PPP4R2: variants seen among roughly 807,000 people sequenced by gnomAD.
The protein encoded by PPP4R2 is protein phosphatase 4 regulatory subunit 2, also known as serine/threonine-protein phosphatase 4 regulatory subunit 2.
Under a neutral mutation model 47.2 loss-of-function variants are expected in PPP4R2, and 13 were observed. The ratio of observed to expected loss-of-function variants is 0.28; its 90% CI spans 0.18 to 0.44. The LOEUF is 0.44. Among genes scored for constraint, PPP4R2 ranks in the 20% least tolerant of loss-of-function variants. The pLI, the probability that PPP4R2 is intolerant of heterozygous loss-of-function variation, is 1.00. For synonymous variants in PPP4R2, 151 were observed against 163.3 expected, an observed-to-expected ratio of 0.92 and a Z score of 0.57; for missense variants, 421 against 491.2, an observed-to-expected ratio of 0.86 and a Z score of 1.35.
At position 73,047,169 on chromosome 3, in the gene PPP4R2, T is replaced by A. The variant is rs754804619; in HGVS notation, c.117-17T>A. Reference sequence around the variant, plus strand: ...AAGCTACATGGTATTATATATTTTTTAATTTTTTGCTTATAGGATTCAGTG... The same window carrying A: ...AAGCTACATGGTATTATATATTTTTAAATTTTTTGCTTATAGGATTCAGTG... On this transcript the variant is annotated splice_polypyrimidine_tract_variant and intron_variant, in intron 2 of 8. Coordinates refer to ENST00000356692, the MANE Select transcript of PPP4R2 (RefSeq NM_174907.4). 5 of 1,454,734 alleles carry A rather than the reference T, an allele frequency of 3.4e-6. No homozygotes were observed. The highest frequency in any genetic ancestry group is 2.5e-5 in the East Asian group (1 of 40,388). 90.1% of individuals were successfully genotyped at this position (1,454,734 alleles called of 1,614,324 possible).
intron 2 of PPP4R2, among the ~76,000 whole-genome samples, chr3:73,017,929 T>TG (rs1701873752): frequency 6.6e-6 from 1 of 152,124 alleles, no homozygotes; most frequent in Admixed American, 6.5e-5. Flanking sequence ...GGTTTCACCA[T>TG]GTTGGCCAGG....
intron 2 of PPP4R2, among the ~76,000 whole-genome samples, chr3:73,041,158 C>T (rs182941389): frequency 6.6e-6 from 1 of 152,076 alleles, no homozygotes. Flanking sequence ...CTGTCCTTTA[C>T]CATATATCAG....
chr3:73,008,168 A>G (rs1701652066), intron 2 of PPP4R2, among the ~76,000 whole-genome samples: 1 of 152,068 alleles, frequency 6.6e-6, no homozygotes, highest in South Asian at 2.1e-4. Context: ...AAATACTAAA[A>G]TTACTAAAAT....
At chr3:73,002,624 C>CTTTTTTTTT (rs1559544635) in intron 2 of PPP4R2, among the ~76,000 whole-genome samples, 12 of 67,014 alleles carry the variant, frequency 1.8e-4, no homozygotes, top group African/African-American at 4.9e-4. Flanking sequence ...CTTTTCTTTT[C>CTTTTTTTTT]TTTTCTTTTC....
intron 2 of PPP4R2, among the ~76,000 whole-genome samples, chr3:73,007,295 T>A (rs1271483666): frequency 6.6e-6 from 1 of 152,154 alleles, no homozygotes; most frequent in East Asian, 1.9e-4. Flanking sequence ...CTCTACAGTT[T>A]GAAGTTCTTT....
intron 2 of PPP4R2, 90 bp downstream of exon 2, chr3:72,998,248 AAAT>A (rs1701391331): frequency 1.3e-6 from 1 of 790,866 alleles, no homozygotes; most frequent in Non-Finnish European, 2.0e-6. Flanking sequence ...TGGGATAATT[AAAT>A]AATTCATTCT....
intron 2 of PPP4R2, among the ~76,000 whole-genome samples, chr3:73,021,054 CTA>C (rs941852907): frequency 3.9e-5 from 6 of 151,930 alleles, no homozygotes; most frequent in Non-Finnish European, 8.8e-5. Context: ...GTGCATTAGT[CTA>C]TGTTGCTTAA....
intron 3 of PPP4R2, 28 bp downstream of exon 3, chr3:73,047,384 T>G: frequency 6.9e-7 from 1 of 1,442,778 alleles, no homozygotes; most frequent in South Asian, 1.3e-5. Context: ...TTTTAAAGAT[T>G]TAATTTTTAG....
rs1056532454 is a variant in PPP4R2 at position 72,996,909 on chromosome 3, C to A, written c.-129C>A. On this transcript the variant is annotated 5_prime_UTR_variant, in exon 1 of 9. Transcript: ENST00000356692. ...CTTCCCCCGGCTCCCTTCGTTTCCCCCCCCCGGTCGCCTGCGTGCCGGAGT... is the reference window on the plus strand; with the variant it reads ...CTTCCCCCGGCTCCCTTCGTTTCCCACCCCCGGTCGCCTGCGTGCCGGAGT... 5.2e-6 allele frequency: 3 copies of A among 574,110 alleles called. No individual in the cohort carries two copies. The highest frequency in any genetic ancestry group is 1.9e-5 in the African/African-American group (1 of 51,468). 35.6% of individuals were successfully genotyped at this position (574,110 alleles called of 1,614,324 possible).
intron 3 of PPP4R2, among the ~76,000 whole-genome samples, chr3:73,055,344 T>G (rs981201864): frequency 2.6e-5 from 4 of 152,032 alleles, no homozygotes; most frequent in Non-Finnish European, 5.9e-5. Flanking sequence ...AACCCTTGTT[T>G]TCAGACAAGA....
intron 2 of PPP4R2, among the ~76,000 whole-genome samples, chr3:73,045,525 A>ATTTTTTT (rs1559561941): frequency 1.1e-5 from 1 of 87,900 alleles, no homozygotes; most frequent in Admixed American, 1.2e-4. Context: ...ACATTCTCCT[A>ATTTTTTT]ATTTTTTTTT....
chr3:73,039,380 C>T (rs1231514851), intron 2 of PPP4R2, among the ~76,000 whole-genome samples: 1 of 152,168 alleles, frequency 6.6e-6, no homozygotes, highest in Non-Finnish European at 1.5e-5. Flanking sequence ...ACCTGGGCCT[C>T]CCAAAGTGCA....
intron 2 of PPP4R2, among the ~76,000 whole-genome samples, chr3:73,003,178 C>G (rs1322985702): frequency 6.6e-6 from 1 of 151,038 alleles, no homozygotes; most frequent in Non-Finnish European, 1.5e-5. Context: ...TTCTGTCTCC[C>G]TTGTCTGAGC....
chr3:73,022,298 A>G (rs528496278), intron 2 of PPP4R2, among the ~76,000 whole-genome samples: 2 of 152,082 alleles, frequency 1.3e-5, no homozygotes, highest in African/African-American at 2.4e-5. Context: ...TCTTTTATAA[A>G]TGTAGCCCTT....
At chr3:73,034,772 G>T (rs1364563378) in intron 2 of PPP4R2, among the ~76,000 whole-genome samples, 2 of 151,864 alleles carry the variant, frequency 1.3e-5, no homozygotes. Context: ...GGCTCAAGCA[G>T]TCTTCCTGCC....
rs1965964 is a variant in PPP4R2, at chr3:73,066,024, A to T, written c.*302A>T. 1.2e-5 allele frequency: 2 copies of T among 172,638 alleles called. No homozygotes were observed. The highest frequency in any genetic ancestry group is 4.0e-4 in the South Asian group (2 of 5,024). 10.7% of individuals were successfully genotyped at this position (172,638 alleles called of 1,614,324 possible). A position where few individuals can be genotyped will look rare whatever the true frequency, so the allele number is the denominator to read the frequency against. On this transcript the variant is annotated 3_prime_UTR_variant, in exon 9 of 9. Coordinates refer to ENST00000356692, the MANE Select transcript of PPP4R2 (RefSeq NM_174907.4). Reference sequence around the variant, plus strand: ...TAGGATTGAAGTTTTTAAACTGGAAAGTAATTACAATTTTGAAAAGTTTTT... The same window carrying T: ...TAGGATTGAAGTTTTTAAACTGGAATGTAATTACAATTTTGAAAAGTTTTT...
intron 2 of PPP4R2, among the ~76,000 whole-genome samples, chr3:73,026,940 T>C (rs1478665491): frequency 6.6e-6 from 1 of 152,174 alleles, no homozygotes; most frequent in Admixed American, 6.6e-5. Context: ...TTATGGGCAG[T>C]TTATTTAACC....
At chr3:73,021,844 C>CTA (rs773952458) in intron 2 of PPP4R2, among the ~76,000 whole-genome samples, 39 of 137,370 alleles carry the variant, frequency 2.8e-4, no homozygotes, top group African/African-American at 8.0e-4. Context: ...TATTACATTT[C>CTA]TATATGTGTG....
chr3:72,999,482 A>G (rs1306705086), intron 2 of PPP4R2, among the ~76,000 whole-genome samples: 3 of 152,244 alleles, frequency 2.0e-5, no homozygotes, highest in Non-Finnish European at 2.9e-5. Context: ...GCCAAATAGC[A>G]TTTTACTTTT....
Sources: gnomAD v4.1 joint callset for allele counts (sites outside exome capture counted in the v4.1 genomes callset) on GRCh38, gnomAD v4.1.1 for gene constraint, MANE v1.5 for transcripts, NCBI Gene and HGNC (gene_info 2026-07-23, HGNC 2026-07-21) for gene names.